Variants in CNTNAP2 observed in about 807,000 individuals in gnomAD.
CNTNAP2 encodes contactin associated protein 2.
A neutral mutation model predicts 155.2 loss-of-function variants in CNTNAP2; 98 were observed. The ratio of observed to expected loss-of-function variants is 0.63; its 90% CI spans 0.54 to 0.75. The LOEUF (loss-of-function observed/expected upper bound fraction) is 0.75. Ranked by LOEUF, CNTNAP2 falls within the 30% of genes least tolerant of loss-of-function variation. The pLI, the probability that CNTNAP2 is intolerant of heterozygous loss-of-function variation, is 0.00. For missense variants in CNTNAP2, 1,727 were observed against 1,688.1 expected (o/e 1.02, Z -0.40); for synonymous variants, 651 against 631.2 (o/e 1.03, Z -0.47).
At chr7:148,141,215 T>A (rs1369958285) in intron 16 of CNTNAP2, among the ~76,000 whole-genome samples, 1 of 152,244 alleles carries the variant, frequency 6.6e-6, no homozygotes, top group Non-Finnish European at 1.5e-5. Flanking sequence ...TTCCTACAAG[T>A]AGAGTGAAAC....
chr7:148,045,312 A>C (rs982680303), intron 15 of CNTNAP2, among the ~76,000 whole-genome samples: 1 of 147,946 alleles, frequency 6.8e-6, no homozygotes, highest in African/African-American at 2.5e-5. Context: ...TCCTGCTGAG[A>C]GTTCTAATGG....
chr7:147,259,306 T>G (rs1804403149), intron 8 of CNTNAP2, among the ~76,000 whole-genome samples: 1 of 152,234 alleles, frequency 6.6e-6, no homozygotes, highest in Non-Finnish European at 1.5e-5. Context: ...TTTTCTCTTT[T>G]TACTTTTCCT....
chr7:147,527,206 G>T (rs1799341095), intron 11 of CNTNAP2, among the ~76,000 whole-genome samples: 1 of 151,796 alleles, frequency 6.6e-6, no homozygotes, highest in Middle Eastern at 3.4e-3. Flanking sequence ...TGTATTTTTA[G>T]TAGAGACAGG....
At chr7:147,270,104 C>T (rs2116702880) in intron 8 of CNTNAP2, among the ~76,000 whole-genome samples, 1 of 152,144 alleles carries the variant, frequency 6.6e-6, no homozygotes, top group Non-Finnish European at 1.5e-5. Flanking sequence ...CAATACGCAA[C>T]ATAACATGGT....
chr7:147,848,477 C>G (rs1053639592), intron 13 of CNTNAP2, among the ~76,000 whole-genome samples: 1 of 150,656 alleles, frequency 6.6e-6, no homozygotes, highest in African/African-American at 2.4e-5. Flanking sequence ...CGCACACACA[C>G]TGGCCTGCGC....
chr7:146,999,674 T>G lies in CNTNAP2; in HGVS notation c.403-44233T>G, dbSNP rs185123819. Among the ~76,000 whole-genome samples the G allele has an allele frequency of 5.6e-3, 852 of 152,048 alleles. 7 individuals carry two copies. The highest frequency in any genetic ancestry group is 8.9e-3 in the Non-Finnish European group (607 of 67,946). On this transcript the variant is annotated intron_variant, in intron 3 of 23. Coordinates refer to ENST00000361727, the MANE Select transcript of CNTNAP2 (RefSeq NM_014141.6). Reference sequence around the variant, plus strand: ...GGCATAGTATTTTTTGTTGACAGTTTTTTCCCCCAGCACTTTGAATATATC... The same window carrying G: ...GGCATAGTATTTTTTGTTGACAGTTGTTTCCCCCAGCACTTTGAATATATC...
chr7:147,778,806 C>T (rs1220051821), intron 13 of CNTNAP2, among the ~76,000 whole-genome samples: 7 of 152,224 alleles, frequency 4.6e-5, no homozygotes, highest in African/African-American at 9.6e-5. Context: ...CCACCGCGCC[C>T]GGCCTGGAAA....
intron 1 of CNTNAP2, among the ~76,000 whole-genome samples, chr7:146,158,514 C>T (rs1034878769): frequency 2.0e-5 from 3 of 152,140 alleles, no homozygotes; most frequent in African/African-American, 7.2e-5. Flanking sequence ...AAACGAATGG[C>T]TAACTAGAAT....
At chr7:147,596,907 C>T (rs572706313) in intron 12 of CNTNAP2, among the ~76,000 whole-genome samples, 1 of 152,296 alleles carries the variant, frequency 6.6e-6, no homozygotes, top group South Asian at 2.1e-4. Context: ...TTCATTGCTA[C>T]GCTCCCTCCA....
chr7:148,301,219 G>A (rs1421219642), intron 21 of CNTNAP2, among the ~76,000 whole-genome samples: 3 of 151,182 alleles, frequency 2.0e-5, no homozygotes, highest in East Asian at 1.9e-4. Context: ...ACTGGAACCC[G>A]GGATGCGGAG....
intron 1 of CNTNAP2, among the ~76,000 whole-genome samples, chr7:146,674,408 A>T (rs761112909): frequency 8.5e-5 from 13 of 152,138 alleles, no homozygotes; most frequent in Non-Finnish European, 1.3e-4. Context: ...GTGGGCTAAT[A>T]AGTTGTTTAA....
intron 1 of CNTNAP2, among the ~76,000 whole-genome samples, chr7:146,690,383 C>G (rs1437105258): frequency 1.3e-5 from 2 of 152,124 alleles, no homozygotes; most frequent in African/African-American, 4.8e-5. Context: ...TATGCAGAGA[C>G]AGGGACTTCA....
At chr7:146,651,378 G>A (rs6977996) in intron 1 of CNTNAP2, among the ~76,000 whole-genome samples, 2,909 of 152,226 alleles carry the variant, frequency 0.019, 113 homozygotes, top group African/African-American at 0.065. Context: ...ACTCAACCTT[G>A]TTAGTAATTA....
intron 10 of CNTNAP2, among the ~76,000 whole-genome samples, chr7:147,443,638 AT>A (rs768572366): frequency 1.4e-4 from 21 of 152,120 alleles, no homozygotes; most frequent in African/African-American, 4.8e-4. Flanking sequence ...AATTTGTAAC[AT>A]TTTTTTAGCT....
chr7:147,555,492 G>T (rs183513172), intron 11 of CNTNAP2, among the ~76,000 whole-genome samples: 1 of 152,108 alleles, frequency 6.6e-6, no homozygotes, highest in African/African-American at 2.4e-5. Flanking sequence ...ATTCATAAGC[G>T]ATTGATGGAT....
intron 1 of CNTNAP2, among the ~76,000 whole-genome samples, chr7:146,585,590 T>C (rs111392293): frequency 1.3e-5 from 2 of 152,236 alleles, no homozygotes; most frequent in African/African-American, 4.8e-5. Flanking sequence ...ATTATTCTCC[T>C]ATGAGTGTCA....
intron 1 of CNTNAP2, among the ~76,000 whole-genome samples, chr7:146,223,051 G>A (rs1799234410): frequency 6.6e-6 from 1 of 152,102 alleles, no homozygotes; most frequent in Non-Finnish European, 1.5e-5. Context: ...GCCTATATGT[G>A]CCAGGCACTG....
intron 8 of CNTNAP2, among the ~76,000 whole-genome samples, chr7:147,191,660 AG>A (rs1264225328): frequency 2.5e-4 from 38 of 152,180 alleles, no homozygotes; most frequent in African/African-American, 9.2e-4. Flanking sequence ...CTATTTCTGG[AG>A]GGGAAAGAAC....
chr7:147,542,182 C>T (rs1799651682), intron 11 of CNTNAP2, among the ~76,000 whole-genome samples: 1 of 152,084 alleles, frequency 6.6e-6, no homozygotes, highest in Non-Finnish European at 1.5e-5. Context: ...AAACTCTCCA[C>T]TTATCATGTA....
Sources: gnomAD v4.1 joint callset for allele counts (sites outside exome capture counted in the v4.1 genomes callset) on GRCh38, gnomAD v4.1.1 for gene constraint, MANE v1.5 for transcripts, NCBI Gene and HGNC (gene_info 2026-07-23, HGNC 2026-07-21) for gene names.